Variants in LARGE1 observed in about 807,000 individuals in gnomAD.
LARGE1 encodes the protein LARGE xylosyl- and glucuronyltransferase 1.
Under a neutral mutation model 87.6 loss-of-function variants are expected in LARGE1, and 43 were observed. That is an observed-to-expected ratio of 0.49 (90% CI 0.38 to 0.63). LARGE1 has a LOEUF of 0.63. Among genes scored for constraint, LARGE1 ranks in the 30% least tolerant of loss-of-function variants. The pLI is 0.00. For synonymous variants in LARGE1, 434 were observed against 394.6 expected, an observed-to-expected ratio of 1.10 and a Z score of -1.18; for missense variants, 802 against 1,000.2, an observed-to-expected ratio of 0.80 and a Z score of 2.67.
intron 2 of LARGE1, chr22:33,733,120 C>T (rs549263205): frequency 3.3e-5 from 5 of 152,324 alleles, no homozygotes; most frequent in East Asian, 3.9e-4. Context: ...TTAAGCCACT[C>T]GAGGGTGGAA....
intron 6 of LARGE1, among the ~76,000 whole-genome samples, chr22:33,495,367 A>G (rs929963554): frequency 6.6e-6 from 1 of 152,180 alleles, no homozygotes; most frequent in Non-Finnish European, 1.5e-5. Context: ...TATGCAGTGC[A>G]TGCTATATAG....
At chr22:33,179,939 C>T (rs1453047965) in intron 11 of LARGE1, among the ~76,000 whole-genome samples, 1 of 151,640 alleles carries the variant, frequency 6.6e-6, no homozygotes, top group Non-Finnish European at 1.5e-5. Context: ...GTCATGAGGA[C>T]TCTTCCTTTG....
At chr22:33,737,852 C>T (rs1390515830) in intron 2 of LARGE1, 1 of 151,994 alleles carries the variant, frequency 6.6e-6, no homozygotes, top group Non-Finnish European at 1.5e-5. Context: ...AAGCCTCTGC[C>T]AGAACTCACA....
intron 6 of LARGE1, among the ~76,000 whole-genome samples, chr22:33,514,535 G>A (rs1246797743): frequency 6.6e-6 from 1 of 152,108 alleles, no homozygotes; most frequent in Admixed American, 6.5e-5. Flanking sequence ...CTATTTACAT[G>A]GTGCTAGGTA....
chr22:33,746,640 T>C (rs1390499654), intron 2 of LARGE1, among the ~76,000 whole-genome samples: 1 of 152,200 alleles, frequency 6.6e-6, no homozygotes, highest in Admixed American at 6.5e-5. Flanking sequence ...GTATGCTATA[T>C]AAATGAAGTG....
intron 4 of LARGE1, among the ~76,000 whole-genome samples, chr22:33,610,849 C>T (rs1189216178): frequency 6.6e-6 from 1 of 152,146 alleles, no homozygotes; most frequent in Non-Finnish European, 1.5e-5. Flanking sequence ...CCTGCACCAC[C>T]CCAAAAGGCT....
At chr22:33,517,504 C>T (rs2071369670) in intron 6 of LARGE1, among the ~76,000 whole-genome samples, 1 of 152,196 alleles carries the variant, frequency 6.6e-6, no homozygotes, top group South Asian at 2.1e-4. Context: ...GCCTCAGCCT[C>T]CCGAATAGCT....
At chr22:33,773,778 G>A (rs2085145031) in intron 1 of LARGE1, among the ~76,000 whole-genome samples, 1 of 152,208 alleles carries the variant, frequency 6.6e-6, no homozygotes, top group African/African-American at 2.4e-5. Context: ...GCAATATCAG[G>A]CACTCGTGGT....
chr22:33,182,967 T>A (rs1923252234), intron 11 of LARGE1, among the ~76,000 whole-genome samples: 1 of 152,092 alleles, frequency 6.6e-6, no homozygotes, highest in Admixed American at 6.6e-5. Context: ...GCAGGTGGGA[T>A]TATATCAAAC....
intron 6 of LARGE1, among the ~76,000 whole-genome samples, chr22:33,488,088 C>T (rs2069665965): frequency 1.3e-5 from 2 of 152,112 alleles, no homozygotes; most frequent in African/African-American, 4.8e-5. Context: ...TTTGCTGGTG[C>T]CCAAAGGACT....
Position 33,333,013 on chromosome 22 carries a change from C to CTTTTTTTTTT in LARGE1, c.1287+4623_1287+4632dup, listed in dbSNP as rs113084979. Among the ~76,000 whole-genome samples the CTTTTTTTTTT allele has an allele frequency of 6.7e-4, 94 of 140,530 alleles. 6 individuals carry two copies. The highest frequency in any genetic ancestry group is 2.6e-3 in the African/African-American group (90 of 35,172). The allele number at this position is 140,530 out of a possible 152,430, so 92.2% of individuals were successfully genotyped here. On this transcript the variant is annotated intron_variant, in intron 10 of 14. Coordinates refer to ENST00000397394, the MANE Select transcript of LARGE1 (RefSeq NM_133642.5). ...TTTTTGCCTGGGATGGGGCAATGTC[C>CTTTTTTTTTT]TTTTTTTTTTTTGGACGGAGTCTCA...
At chr22:33,667,076 A>G (rs751450612) in intron 2 of LARGE1, among the ~76,000 whole-genome samples, 1 of 152,206 alleles carries the variant, frequency 6.6e-6, no homozygotes, top group Non-Finnish European at 1.5e-5. Context: ...GCTGCATTCC[A>G]CCACAATAAG....
At chr22:33,878,864 T>C (rs1283774319) in intron 1 of LARGE1, among the ~76,000 whole-genome samples, 1 of 152,228 alleles carries the variant, frequency 6.6e-6, no homozygotes, top group Non-Finnish European at 1.5e-5. Context: ...GATATGGTTT[T>C]AAAAGAGTGA....
chr22:33,382,260 C>A (rs1366085854), intron 8 of LARGE1, among the ~76,000 whole-genome samples: 1 of 152,146 alleles, frequency 6.6e-6, no homozygotes, highest in African/African-American at 2.4e-5. Flanking sequence ...CCCAGGCTGA[C>A]TGGAAGCTCC....
intron 3 of LARGE1, among the ~76,000 whole-genome samples, chr22:33,644,180 G>A (rs930168064): frequency 2.6e-5 from 4 of 152,100 alleles, no homozygotes; most frequent in South Asian, 2.1e-4. Context: ...CCGGCAAACC[G>A]AATCCAGCAG....
chr22:33,437,802 AG>A lies in LARGE1; in HGVS notation c.788-5538del, dbSNP rs2067325114. ...AAAACATAGTTCTTGCCCTGGGGGC[AG>A]CTAGAAGAGGAGACAGATAAACAAT... On this transcript the variant is annotated intron_variant, in intron 6 of 14. Transcript: ENST00000397394. 3.9e-5 allele frequency among the ~76,000 whole-genome samples: 6 copies of A among 152,234 alleles called. No homozygotes were observed. In the South Asian group the frequency reaches 1.2e-3, roughly 32 times the overall value.
intron 6 of LARGE1, among the ~76,000 whole-genome samples, chr22:33,564,517 A>C (rs1285633929): frequency 6.6e-6 from 1 of 152,240 alleles, no homozygotes; most frequent in African/African-American, 2.4e-5. Flanking sequence ...CTTGGCAATT[A>C]GACTATCCTT....
At chr22:33,511,265 G>C (rs999512579) in intron 6 of LARGE1, among the ~76,000 whole-genome samples, 3 of 152,144 alleles carry the variant, frequency 2.0e-5, no homozygotes, top group Non-Finnish European at 2.9e-5. Context: ...TGTATGCCTT[G>C]AGGTGGGGTA....
At chr22:33,314,547 G>C (rs1935949164) in intron 11 of LARGE1, among the ~76,000 whole-genome samples, 2 of 152,102 alleles carry the variant, frequency 1.3e-5, no homozygotes, top group Admixed American at 1.3e-4. Context: ...ATAACACCTG[G>C]TATTTATGGA....
Sources: gnomAD v4.1 joint callset for allele counts (sites outside exome capture counted in the v4.1 genomes callset) on GRCh38, gnomAD v4.1.1 for gene constraint, MANE v1.5 for transcripts, NCBI Gene and HGNC (gene_info 2026-07-23, HGNC 2026-07-21) for gene names.